OPCML: variants seen among roughly 807,000 people sequenced by gnomAD.
The protein encoded by OPCML is opioid-binding protein/cell adhesion molecule.
OPCML carries 13 observed loss-of-function variants against 37.8 expected under a neutral mutation model. That is an observed-to-expected ratio of 0.34 (90% CI 0.22 to 0.55). OPCML has a LOEUF of 0.55. OPCML is among the 20% of genes least tolerant of loss of function. The pLI is 0.91. For missense variants in OPCML, 341 were observed against 435.6 expected (o/e 0.78, Z 1.93); for synonymous variants, 176 against 168.8 (o/e 1.04, Z -0.33).
At chr11:133,166,697 CTCCCTCCACAGGGAAGAATGA>C (rs1950213434) in intron 1 of OPCML, among the ~76,000 whole-genome samples, 2 of 152,204 alleles carry the variant, frequency 1.3e-5, no homozygotes, top group Non-Finnish European at 2.9e-5. Context: ...AGACCTCCTT[CTCCCTCCACAGGGAAGAATGA>C]CCTGACAAAC....
Position 132,906,629 on chromosome 11 carries a change from TCTC to T in OPCML, c.146+36294_146+36296del, listed in dbSNP as rs1347388008. Among the ~76,000 whole-genome samples, 5 of 152,296 alleles carry T rather than the reference TCTC, an allele frequency of 3.3e-5. No individual in the cohort carries two copies. In the South Asian group the frequency reaches 8.3e-4, roughly 25 times the overall value. On this transcript the variant is annotated intron_variant, in intron 2 of 7. Coordinates refer to ENST00000524381, the MANE Select transcript of OPCML (RefSeq NM_001012393.5). ...CCTTGAGGAACACACACTGTACTCTTCTCCTAATACCATTGAAAATGTCAGCGA... is the reference window on the plus strand; with the variant it reads ...CCTTGAGGAACACACACTGTACTCTTCTAATACCATTGAAAATGTCAGCGA...
chr11:133,027,488 TGTTG>T (rs1339896473), intron 1 of OPCML, among the ~76,000 whole-genome samples: 17 of 144,582 alleles, frequency 1.2e-4, no homozygotes, highest in African/African-American at 4.2e-4. Context: ...TGTGTGTGTG[TGTTG>T]TGTGTGTGTG....
intron 1 of OPCML, among the ~76,000 whole-genome samples, chr11:133,216,911 G>A (rs1306896045): frequency 6.6e-6 from 1 of 152,084 alleles, no homozygotes; most frequent in Non-Finnish European, 1.5e-5. Flanking sequence ...TATATGTAAT[G>A]TATTTATAGA....
chr11:133,514,841 C>T (rs558377269), intron 1 of OPCML, among the ~76,000 whole-genome samples: 2 of 152,264 alleles, frequency 1.3e-5, no homozygotes, highest in South Asian at 2.1e-4. Flanking sequence ...TTGAAGTCTA[C>T]CCTAAGAAAG....
chr11:132,797,585 A>G (rs1938402234), intron 2 of OPCML, among the ~76,000 whole-genome samples: 1 of 152,210 alleles, frequency 6.6e-6, no homozygotes, highest in African/African-American at 2.4e-5. Context: ...ATGTTTATAA[A>G]TATTTTGGTT....
intron 2 of OPCML, among the ~76,000 whole-genome samples, chr11:132,913,861 G>C (rs951031992): frequency 6.6e-6 from 1 of 152,204 alleles, no homozygotes; most frequent in Non-Finnish European, 1.5e-5. Flanking sequence ...CTCCACAAGA[G>C]AAGGTGGGCT....
At chr11:133,089,833 A>G (rs749047754) in intron 1 of OPCML, among the ~76,000 whole-genome samples, 2 of 152,150 alleles carry the variant, frequency 1.3e-5, no homozygotes, top group Non-Finnish European at 2.9e-5. Flanking sequence ...CAGAGGAATT[A>G]CACTCAAAAT....
intron 1 of OPCML, among the ~76,000 whole-genome samples, chr11:132,963,415 C>A (rs947261748): frequency 6.6e-6 from 1 of 151,934 alleles, no homozygotes; most frequent in African/African-American, 2.4e-5. Context: ...TATGGTGAAA[C>A]CCCGTCTCGA....
At chr11:132,999,575 G>A (rs554835453) in intron 1 of OPCML, among the ~76,000 whole-genome samples, 1 of 150,346 alleles carries the variant, frequency 6.7e-6, no homozygotes. Flanking sequence ...GGGTCGGGGG[G>A]GGAATGCCAC....
intron 1 of OPCML, among the ~76,000 whole-genome samples, chr11:133,439,039 A>G (rs1014180391): frequency 1.3e-5 from 2 of 152,160 alleles, no homozygotes; most frequent in Non-Finnish European, 2.9e-5. Flanking sequence ...GCTGATAATA[A>G]TAAGTAAAGA....
chr11:132,448,313 A>T (rs2096060612), intron 4 of OPCML, among the ~76,000 whole-genome samples: 1 of 152,212 alleles, frequency 6.6e-6, no homozygotes, highest in South Asian at 2.1e-4. Flanking sequence ...AGCATTCATC[A>T]ATATTTTCAA....
intron 1 of OPCML, among the ~76,000 whole-genome samples, chr11:133,335,378 G>GTT (rs1219595246): frequency 1.3e-5 from 2 of 152,110 alleles, no homozygotes; most frequent in African/African-American, 4.8e-5. Flanking sequence ...CCTGACAAGT[G>GTT]GCCGGCAGAT....
At chr11:133,354,304 ACG>A (rs371988746) in intron 1 of OPCML, among the ~76,000 whole-genome samples, 154 of 9,562 alleles carry the variant, frequency 0.016, no homozygotes, top group Middle Eastern at 0.071. Context: ...GGTGGTGGTG[ACG>A]TGTTGGTAGT....
intron 1 of OPCML, among the ~76,000 whole-genome samples, chr11:133,493,154 G>A (rs1266627597): frequency 6.6e-6 from 1 of 152,184 alleles, no homozygotes; most frequent in Non-Finnish European, 1.5e-5. Flanking sequence ...TTGCCCCCCA[G>A]AAGGCCACCC....
At chr11:133,490,148 T>C (rs1591557707) in intron 1 of OPCML, among the ~76,000 whole-genome samples, 1 of 152,144 alleles carries the variant, frequency 6.6e-6, no homozygotes, top group African/African-American at 2.4e-5. Context: ...TCAGAGAGCT[T>C]GTTGTTTCCT....
chr11:133,251,570 CT>C (rs893992908), intron 1 of OPCML, among the ~76,000 whole-genome samples: 5 of 138,402 alleles, frequency 3.6e-5, no homozygotes, highest in Non-Finnish European at 7.7e-5. Context: ...TGTTTGTGTT[CT>C]TTTTTTGGGG....
intron 1 of OPCML, among the ~76,000 whole-genome samples, chr11:133,353,534 T>C (rs4388898): frequency 0.45 from 67,729 of 151,974 alleles, 16,185 homozygotes; most frequent in East Asian, 0.76. Flanking sequence ...TTTTAAGTGC[T>C]TGGTCTCCAT....
At chr11:132,672,241 T>C (rs1441826533) in intron 2 of OPCML, among the ~76,000 whole-genome samples, 1 of 152,206 alleles carries the variant, frequency 6.6e-6, no homozygotes, top group African/African-American at 2.4e-5. Flanking sequence ...CACAGCCTGG[T>C]TAAGCCCTCG....
intron 2 of OPCML, among the ~76,000 whole-genome samples, chr11:132,782,257 A>AT (rs1223675853): frequency 1.3e-5 from 2 of 151,586 alleles, no homozygotes; most frequent in Admixed American, 6.6e-5. Context: ...TTGTGGAGCC[A>AT]TCCCTCCTGT....
Sources: allele counts gnomAD v4.1 joint callset (sites outside exome capture counted in the v4.1 genomes callset), GRCh38; gene constraint gnomAD v4.1.1; transcripts MANE v1.5; gene names NCBI Gene and HGNC (gene_info 2026-07-23, HGNC 2026-07-21).